The following SMG6 variants were observed in gnomAD, a reference collection of about 807,000 sequenced individuals.
SMG6 encodes telomerase-binding protein EST1A.
A neutral mutation model predicts 142.2 loss-of-function variants in SMG6; 66 were observed. That is an observed-to-expected ratio of 0.46 (90% CI 0.38 to 0.57). SMG6 has a LOEUF of 0.57. Ranked by LOEUF, SMG6 falls within the 20% of genes least tolerant of loss-of-function variation. The pLI, the probability that SMG6 is intolerant of heterozygous loss-of-function variation, is 0.00. For missense variants in SMG6, 1,793 were observed against 1,832.0 expected (o/e 0.98, Z 0.39); for synonymous variants, 779 against 702.4 (o/e 1.11, Z -1.72).
At chr17:2,150,481 G>T (rs1013161078) in intron 13 of SMG6, among the ~76,000 whole-genome samples, 14 of 152,060 alleles carry the variant, frequency 9.2e-5, no homozygotes, top group African/African-American at 3.1e-4. Flanking sequence ...TGTCATCAGG[G>T]GTAGCTCGCC....
chr17:2,295,113 G>A (rs768019518), intron 4 of SMG6, among the ~76,000 whole-genome samples: 2 of 152,124 alleles, frequency 1.3e-5, no homozygotes, highest in African/African-American at 2.4e-5. Flanking sequence ...CCTGACCTCA[G>A]GTGATCTGCC....
At chr17:2,158,540 C>G (rs1270133547) in intron 13 of SMG6, among the ~76,000 whole-genome samples, 1 of 152,138 alleles carries the variant, frequency 6.6e-6, no homozygotes, top group Non-Finnish European at 1.5e-5. Context: ...AAACATCAAA[C>G]CTTCAAAAGC....
intron 4 of SMG6, among the ~76,000 whole-genome samples, chr17:2,293,272 G>C (rs2075079095): frequency 6.6e-6 from 1 of 152,156 alleles, no homozygotes; most frequent in African/African-American, 2.4e-5. Flanking sequence ...TTTGATATTA[G>C]TAGTCAGGAG....
intron 13 of SMG6, among the ~76,000 whole-genome samples, chr17:2,125,099 A>G (rs1315893347): frequency 6.6e-6 from 1 of 152,220 alleles, no homozygotes; most frequent in African/African-American, 2.4e-5. Context: ...CATTCCTGCC[A>G]GAGCAGAGTC....
At chr17:2,205,618 A>T (rs2072654852) in intron 10 of SMG6, among the ~76,000 whole-genome samples, 1 of 152,190 alleles carries the variant, frequency 6.6e-6, no homozygotes, top group African/African-American at 2.4e-5. Flanking sequence ...GCAAAAGAGG[A>T]AACACCAATA....
At chr17:2,119,414 G>A (rs1027490945) in intron 13 of SMG6, among the ~76,000 whole-genome samples, 2 of 151,962 alleles carry the variant, frequency 1.3e-5, no homozygotes, top group Non-Finnish European at 2.9e-5. Context: ...GGCTGGTCTC[G>A]AACTCTTGAC....
At chr17:2,247,620 T>C (rs1567715643) in intron 8 of SMG6, among the ~76,000 whole-genome samples, 1 of 151,830 alleles carries the variant, frequency 6.6e-6, no homozygotes. Context: ...AAACCCTGTC[T>C]CTACTAAAAA....
chr17:2,229,775 T>G (rs2151789235), intron 10 of SMG6, among the ~76,000 whole-genome samples: 1 of 152,242 alleles, frequency 6.6e-6, no homozygotes, highest in South Asian at 2.1e-4. Context: ...ACCAGCCCCC[T>G]AGAACATACC....
chr17:2,075,105 G>A (rs1236161715), intron 15 of SMG6, among the ~76,000 whole-genome samples: 3 of 152,234 alleles, frequency 2.0e-5, no homozygotes, highest in African/African-American at 7.2e-5. Context: ...TGCTGTGCTG[G>A]CTCCCACCCT....
intron 6 of SMG6, among the ~76,000 whole-genome samples, chr17:2,290,562 A>G (rs1221589175): frequency 6.6e-6 from 1 of 152,264 alleles, no homozygotes; most frequent in Non-Finnish European, 1.5e-5. Context: ...CTTCTTAAAT[A>G]AAACACCAGA....
chr17:2,286,842 G>C (rs1159996501), intron 6 of SMG6, among the ~76,000 whole-genome samples: 1 of 151,244 alleles, frequency 6.6e-6, no homozygotes, highest in Non-Finnish European at 1.5e-5. Flanking sequence ...GAAAATGTTT[G>C]CAAATTATGT....
At chr17:2,172,046 CCA>C (rs2071519435) in intron 13 of SMG6, among the ~76,000 whole-genome samples, 1 of 152,192 alleles carries the variant, frequency 6.6e-6, no homozygotes, top group Admixed American at 6.5e-5. Flanking sequence ...ACTAAGAACT[CCA>C]CAGTCTCCAA....
At chr17:2,259,976 G>A (rs919438258) in intron 8 of SMG6, among the ~76,000 whole-genome samples, 7 of 152,122 alleles carry the variant, frequency 4.6e-5, no homozygotes, top group Non-Finnish European at 1.0e-4. Context: ...TACCTTGTGC[G>A]AGCTTCAGAT....
At chr17:2,081,659 T>C (rs2068427050) in intron 15 of SMG6, 151 bp downstream of exon 15, 3 of 917,348 alleles carry the variant, frequency 3.3e-6, no homozygotes. Context: ...CAGAATTTAG[T>C]GGTAGAGTGA....
chr17:2,118,169 G>A (rs2069565449), intron 13 of SMG6, among the ~76,000 whole-genome samples: 1 of 152,112 alleles, frequency 6.6e-6, no homozygotes, highest in African/African-American at 2.4e-5. Flanking sequence ...CTTGAGCCTG[G>A]GAGGTTGAGG....
intron 8 of SMG6, chr17:2,280,536 T>A (rs1232545713): frequency 1.0e-6 from 1 of 953,406 alleles, no homozygotes; most frequent in Non-Finnish European, 1.2e-6. Flanking sequence ...GTGCTGGGAT[T>A]ACAGGCGTAA....
At chr17:2,303,033 A>C (rs1431325502) in intron 1 of SMG6, 1 of 985,280 alleles carries the variant, frequency 1.0e-6, no homozygotes, top group Non-Finnish European at 1.2e-6. Flanking sequence ...GTGGCTGGAG[A>C]CTTGAAATTA....
intron 18 of SMG6, chr17:2,063,266 A>C (rs1371653343): frequency 6.6e-6 from 1 of 152,250 alleles, no homozygotes; most frequent in Admixed American, 6.5e-5. Context: ...CTTTGTTAGA[A>C]ACCAGAGACT....
intron 4 of SMG6, among the ~76,000 whole-genome samples, chr17:2,294,941 T>A (rs779837120): frequency 6.6e-6 from 1 of 151,852 alleles, no homozygotes; most frequent in Non-Finnish European, 1.5e-5. Flanking sequence ...AATAACGCAG[T>A]CTTAGCTCAC....
Sources: gnomAD v4.1 joint callset for allele counts (sites outside exome capture counted in the v4.1 genomes callset) on GRCh38, gnomAD v4.1.1 for gene constraint, MANE v1.5 for transcripts, NCBI Gene and HGNC (gene_info 2026-07-23, HGNC 2026-07-21) for gene names.